Variants in PKP4 observed in about 807,000 individuals in gnomAD.
The protein encoded by PKP4 is plakophilin-4.
A neutral mutation model predicts 145.1 loss-of-function variants in PKP4; 90 were observed. The ratio of observed to expected loss-of-function variants is 0.62; its 90% CI spans 0.52 to 0.74. The LOEUF (loss-of-function observed/expected upper bound fraction) is 0.74. PKP4 is among the 30% of genes least tolerant of loss of function. PKP4 has a pLI of 0.00. For missense variants in PKP4, 1,340 were observed against 1,482.7 expected (o/e 0.90, Z 1.58); for synonymous variants, 563 against 577.2 (o/e 0.98, Z 0.35).
intron 7 of PKP4, 100 bp from the exon 8 acceptor site, chr2:158,631,653 A>C (rs2053371422): frequency 9.7e-7 from 1 of 1,028,136 alleles, no homozygotes; most frequent in Admixed American, 1.8e-5. Flanking sequence ...TGTCTCCCAA[A>C]GTGCTGGGAT....
intron 7 of PKP4, among the ~76,000 whole-genome samples, chr2:158,626,163 A>T (rs1005772554): frequency 1.3e-5 from 2 of 152,250 alleles, no homozygotes. Context: ...TATTGAAATA[A>T]GTGAAAGCCT....
Position 158,634,210 on chromosome 2 carries a change from A to T in PKP4, c.1483A>T (p.Asn495Tyr). 1.2e-6 allele frequency: 2 copies of T among 1,614,156 alleles called. No individual in the cohort carries two copies. The highest frequency in any genetic ancestry group is 2.2e-5 in the South Asian group (2 of 91,078). Residue 495 changes from asparagine to tyrosine, a missense_variant, in exon 9 of 22, where the codon AAC (asparagine) becomes TAC (tyrosine). Physicochemically the swap from Asn to Tyr is moderately radical, Grantham distance 143. Coordinates refer to ENST00000389759, the MANE Select transcript of PKP4 (RefSeq NM_003628.6). ...IQYRVQECNY[N>Y]RLQHAVPADD... The stretch of plus-strand genomic sequence containing the variant: ...ATACCGAGTGCAAGAGTGCAATTAT[A>T]ACAGGCTTCAGCATGCAGTGCCGGC...
chr2:158,652,478 A>T (rs2055466260), intron 11 of PKP4, among the ~76,000 whole-genome samples: 1 of 152,184 alleles, frequency 6.6e-6, no homozygotes, highest in Non-Finnish European at 1.5e-5. Context: ...TAAGGGGAGA[A>T]CTTCAAGGGC....
intron 3 of PKP4, among the ~76,000 whole-genome samples, chr2:158,591,975 T>C (rs1462202597): frequency 6.6e-6 from 1 of 152,144 alleles, no homozygotes; most frequent in East Asian, 1.9e-4. Flanking sequence ...TAAGGCAGTC[T>C]TGACCAACCA....
intron 3 of PKP4, among the ~76,000 whole-genome samples, chr2:158,593,569 T>C (rs557499534): frequency 6.6e-6 from 1 of 152,340 alleles, no homozygotes; most frequent in Non-Finnish European, 1.5e-5. Context: ...AAAATGCTTT[T>C]GTCAAAGAAT....
intron 1 of PKP4, among the ~76,000 whole-genome samples, chr2:158,525,918 C>T (rs2042885409): frequency 6.6e-6 from 1 of 151,128 alleles, no homozygotes; most frequent in Non-Finnish European, 1.5e-5. Flanking sequence ...CGTACACTCT[C>T]CCAAGACTAA....
At chr2:158,644,292 CAG>C (rs1462497813) in intron 11 of PKP4, among the ~76,000 whole-genome samples, 1 of 152,072 alleles carries the variant, frequency 6.6e-6, no homozygotes, top group Non-Finnish European at 1.5e-5. Context: ...GTGGAGCAGT[CAG>C]AGAAATATTT....
intron 2 of PKP4, among the ~76,000 whole-genome samples, chr2:158,554,344 CCTTTAGACATTATATT>C (rs1269098729): frequency 6.6e-6 from 1 of 152,056 alleles, no homozygotes; most frequent in Admixed American, 6.5e-5. Context: ...TCTTGCATTT[CCTTTAGACATTATATT>C]CTTAGGCCAC....
intron 4 of PKP4, among the ~76,000 whole-genome samples, chr2:158,605,860 C>T (rs981457980): frequency 6.6e-6 from 1 of 152,116 alleles, no homozygotes; most frequent in African/African-American, 2.4e-5. Flanking sequence ...ATGGATTTGC[C>T]TATTCTAGAC....
intron 1 of PKP4, among the ~76,000 whole-genome samples, chr2:158,512,306 A>G (rs1389585175): frequency 2.0e-5 from 3 of 152,378 alleles, no homozygotes; most frequent in Non-Finnish European, 4.4e-5. Flanking sequence ...GACATAGACA[A>G]TATCTCAGAA....
intron 1 of PKP4, among the ~76,000 whole-genome samples, chr2:158,508,089 G>T (rs544399780): frequency 2.6e-5 from 4 of 152,188 alleles, no homozygotes; most frequent in African/African-American, 9.6e-5. Context: ...AGGCACAGTG[G>T]CTCACGCCTG....
chr2:158,632,695 A>G (rs972385711), intron 8 of PKP4: 1 of 152,140 alleles, frequency 6.6e-6, no homozygotes, highest in Admixed American at 6.5e-5. Flanking sequence ...AGGTAGCAAT[A>G]ATAACCCCTC....
At chr2:158,478,004 T>C (rs1292716232) in intron 1 of PKP4, among the ~76,000 whole-genome samples, 1 of 152,220 alleles carries the variant, frequency 6.6e-6, no homozygotes, top group Admixed American at 6.5e-5. Context: ...TCAGTTCTTA[T>C]GTTCTAAGAG....
chr2:158,566,843 C>G (rs1161206095), intron 2 of PKP4, among the ~76,000 whole-genome samples: 4 of 152,190 alleles, frequency 2.6e-5, no homozygotes, highest in African/African-American at 7.2e-5. Context: ...CACACACACA[C>G]AGCACACATA....
At chr2:158,560,652 G>A (rs2046437199) in intron 2 of PKP4, among the ~76,000 whole-genome samples, 1 of 151,936 alleles carries the variant, frequency 6.6e-6, no homozygotes, top group Admixed American at 6.6e-5. Flanking sequence ...GAACCTCTTA[G>A]GAAAGAACGT....
chr2:158,535,563 C>T (rs1349873898), intron 2 of PKP4, among the ~76,000 whole-genome samples: 1 of 152,020 alleles, frequency 6.6e-6, no homozygotes. Flanking sequence ...GTGTGTGCTA[C>T]CGTGCCCAGC....
intron 11 of PKP4, among the ~76,000 whole-genome samples, 169 bp from the exon 12 acceptor site, chr2:158,657,962 A>G (rs968955231): frequency 1.1e-4 from 17 of 152,146 alleles, no homozygotes; most frequent in African/African-American, 3.9e-4. Flanking sequence ...GGAGGCTCAT[A>G]CCTTCACTCA....
intron 1 of PKP4, among the ~76,000 whole-genome samples, chr2:158,475,854 T>A (rs1429103878): frequency 1.3e-5 from 2 of 152,216 alleles, no homozygotes; most frequent in Non-Finnish European, 1.5e-5. Flanking sequence ...TGGGGTCTGA[T>A]TCTGGAAGAA....
intron 2 of PKP4, among the ~76,000 whole-genome samples, chr2:158,575,422 C>A (rs1442302965): frequency 1.3e-5 from 2 of 152,174 alleles, no homozygotes; most frequent in Admixed American, 1.3e-4. Flanking sequence ...ACTTTCCCAG[C>A]CATTTCCTTG....
Sources: gnomAD v4.1 joint callset for allele counts (sites outside exome capture counted in the v4.1 genomes callset) on GRCh38, gnomAD v4.1.1 for gene constraint, MANE v1.5 for transcripts, NCBI Gene and HGNC (gene_info 2026-07-23, HGNC 2026-07-21) for gene names.